Variants in UHRF2 observed in about 807,000 individuals in gnomAD.
UHRF2 encodes the protein ubiquitin like with PHD and ring finger domains 2.
UHRF2 carries 23 observed loss-of-function variants against 96.8 expected under a neutral mutation model. The ratio of observed to expected loss-of-function variants is 0.24; its 90% CI spans 0.17 to 0.34. UHRF2 has a LOEUF of 0.34. Among genes scored for constraint, UHRF2 ranks in the 10% least tolerant of loss-of-function variants. The probability of loss-of-function intolerance (pLI) is 1.00; values close to 1 mark genes in which losing one functional copy is unlikely to be tolerated. For synonymous variants in UHRF2, 385 were observed against 332.6 expected (o/e 1.16, Z -1.72); for missense variants, 685 against 981.5 (o/e 0.70, Z 4.04).
intron 2 of UHRF2, among the ~76,000 whole-genome samples, chr9:6,425,024 C>T (rs1820165122): frequency 6.6e-6 from 1 of 152,132 alleles, no homozygotes; most frequent in African/African-American, 2.4e-5. Context: ...AATCATCTGG[C>T]TGGGGTAGTG....
chr9:6,460,839 G>GA, intron 4 of UHRF2, 48 bp downstream of exon 4: 1 of 1,527,358 alleles, frequency 6.5e-7, no homozygotes. Context: ...ATTGATCAAG[G>GA]AATGTATTTT....
At chr9:6,499,185 T>C (rs1825130601) in intron 12 of UHRF2, 1 of 152,226 alleles carries the variant, frequency 6.6e-6, no homozygotes, top group African/African-American at 2.4e-5. Flanking sequence ...GTAATAGTCA[T>C]TGAGGCCTGA....
intron 9 of UHRF2, among the ~76,000 whole-genome samples, chr9:6,487,230 C>A (rs1221323966): frequency 8.1e-6 from 1 of 122,902 alleles, no homozygotes; most frequent in Non-Finnish European, 1.6e-5. Flanking sequence ...CGCTATATCA[C>A]CTGGGCTGGA....
chr9:6,504,760 A>G, intron 15 of UHRF2, 69 bp downstream of exon 15: 3 of 1,275,576 alleles, frequency 2.4e-6, no homozygotes, highest in Non-Finnish European at 3.3e-6. Context: ...ACCTGTTTTT[A>G]GCATGCTAAG....
At chr9:6,454,297 C>G (rs1822055373) in intron 3 of UHRF2, among the ~76,000 whole-genome samples, 1 of 152,112 alleles carries the variant, frequency 6.6e-6, no homozygotes, top group South Asian at 2.1e-4. Flanking sequence ...AGGATTGATA[C>G]AAGGATCCAA....
At chr9:6,463,761 G>A (rs1371907194) in intron 4 of UHRF2, among the ~76,000 whole-genome samples, 2 of 152,088 alleles carry the variant, frequency 1.3e-5, no homozygotes, top group Non-Finnish European at 2.9e-5. Context: ...ATGAGCCACC[G>A]TGTCTGGAGA....
intron 2 of UHRF2, among the ~76,000 whole-genome samples, chr9:6,432,997 C>T (rs531405648): frequency 2.7e-4 from 41 of 152,088 alleles, no homozygotes; most frequent in Non-Finnish European, 5.1e-4. Context: ...TGCTCCACCA[C>T]GCCTGGCTAA....
intron 3 of UHRF2, among the ~76,000 whole-genome samples, chr9:6,446,425 G>A (rs1381164927): frequency 6.6e-6 from 1 of 150,492 alleles, no homozygotes; most frequent in Non-Finnish European, 1.5e-5. Context: ...TTACAGGCGT[G>A]AGCCACCATG....
intron 4 of UHRF2, chr9:6,468,313 A>G: frequency 2.7e-6 from 1 of 369,716 alleles, no homozygotes. Context: ...CATTTATTGA[A>G]TCACTTAAAG....
At position 6,421,108 on chromosome 9, in the gene UHRF2, C is replaced by T. The variant is rs747057715; in HGVS notation, c.350C>T (p.Ala117Val). Residue 117 changes from alanine (A) to valine (V), a missense_variant, in exon 2 of 16, where the codon GCC becomes GTC. Coordinates refer to ENST00000276893, the MANE Select transcript of UHRF2 (RefSeq NM_152896.3). ...AATCAGCCATCTACATCAGCTCGTG[C>T]CCGTCTTATTGATCCTGGCTTTGGA... ...PSNQPSTSARARLIDPGFGIY... is the reference protein window; with the variant it reads ...PSNQPSTSARVRLIDPGFGIY... The T allele has an allele frequency of 2.5e-5, 40 of 1,614,008 alleles. No individual in the cohort carries two copies. Among genetic ancestry groups the T allele is most frequent in the Non-Finnish European group, 3.1e-5 (37 of 1,179,976 alleles).
chr9:6,464,150 T>C (rs942647817), intron 4 of UHRF2, among the ~76,000 whole-genome samples: 16 of 152,204 alleles, frequency 1.1e-4, no homozygotes, highest in Non-Finnish European at 1.8e-4. Flanking sequence ...TATGTAATAG[T>C]ATTTCATTTT....
At chr9:6,457,309 G>A (rs989769557) in intron 3 of UHRF2, among the ~76,000 whole-genome samples, 16 of 152,062 alleles carry the variant, frequency 1.1e-4, no homozygotes, top group African/African-American at 3.4e-4. Context: ...CTCTCTGTTT[G>A]TCTGTTATTG....
chr9:6,443,403 C>T (rs1401913523), intron 3 of UHRF2, among the ~76,000 whole-genome samples: 1 of 152,162 alleles, frequency 6.6e-6, no homozygotes, highest in Non-Finnish European at 1.5e-5. Context: ...GTAACTTGCT[C>T]AGTGTTAGAG....
intron 2 of UHRF2, among the ~76,000 whole-genome samples, chr9:6,429,128 G>C (rs1189192757): frequency 6.6e-6 from 1 of 151,310 alleles, no homozygotes; most frequent in Non-Finnish European, 1.5e-5. Flanking sequence ...TCGCACCACT[G>C]CACTCCAGCC....
chr9:6,463,002 C>G, intron 4 of UHRF2, among the ~76,000 whole-genome samples: 1 of 151,994 alleles, frequency 6.6e-6, no homozygotes, highest in East Asian at 1.9e-4. Flanking sequence ...ACTGAGTGGG[C>G]CAGGTGCCGT....
chr9:6,487,171 ATTTTTTTTTCCTTTTT>A (rs1824338691), intron 9 of UHRF2, among the ~76,000 whole-genome samples: 1 of 83,832 alleles, frequency 1.2e-5, no homozygotes, highest in Non-Finnish European at 2.5e-5. Flanking sequence ...TAGAGCTTTT[ATTTTTTTTTCCTTTTT>A]TTTTTTTTTT....
intron 3 of UHRF2, among the ~76,000 whole-genome samples, chr9:6,446,761 C>T (rs1821533953): frequency 6.6e-6 from 1 of 151,818 alleles, no homozygotes; most frequent in Admixed American, 6.6e-5. Context: ...AGGAGAATCA[C>T]TTGAACCCAA....
chr9:6,474,174 CA>C (rs1313205017), intron 4 of UHRF2, among the ~76,000 whole-genome samples: 1 of 152,108 alleles, frequency 6.6e-6, no homozygotes, highest in African/African-American at 2.4e-5. Context: ...TTGGTGGTCA[CA>C]ACGGATGTGC....
intron 4 of UHRF2, among the ~76,000 whole-genome samples, chr9:6,463,339 AGAG>A (rs1379927499): frequency 6.6e-6 from 1 of 152,190 alleles, no homozygotes; most frequent in African/African-American, 2.4e-5. Context: ...GGCTTGATAA[AGAG>A]AATGGTTATG....
Sources: gnomAD v4.1 joint callset for allele counts (sites outside exome capture counted in the v4.1 genomes callset) on GRCh38, gnomAD v4.1.1 for gene constraint, MANE v1.5 for transcripts, NCBI Gene and HGNC (gene_info 2026-07-23, HGNC 2026-07-21) for gene names.